The following HGSNAT variants were observed in gnomAD, a reference collection of about 807,000 sequenced individuals.
HGSNAT encodes transmembrane protein 76.
A neutral mutation model predicts 85.2 loss-of-function variants in HGSNAT; 59 were observed. The ratio of observed to expected loss-of-function variants is 0.69; its 90% CI spans 0.56 to 0.86. HGSNAT has a LOEUF of 0.86. Among genes scored for constraint, HGSNAT ranks in the 40% least tolerant of loss-of-function variants. The pLI, the probability that HGSNAT is intolerant of heterozygous loss-of-function variation, is 0.00. For synonymous variants in HGSNAT, 321 were observed against 304.5 expected (o/e 1.05, Z -0.56); for missense variants, 756 against 777.1 (o/e 0.97, Z 0.32).
intron 2 of HGSNAT, among the ~76,000 whole-genome samples, chr8:43,149,031 G>A (rs530991407): frequency 1.2e-3 from 188 of 151,810 alleles, no homozygotes; most frequent in African/African-American, 4.4e-3. Context: ...CAGGAGAATC[G>A]TTTAACCCCG....
At chr8:43,197,355 A>G in intron 15 of HGSNAT, 1 of 528,572 alleles carries the variant, frequency 1.9e-6, no homozygotes, top group Non-Finnish European at 3.4e-6. Context: ...CTTCCAGATT[A>G]TATGGGAAAG....
intron 17 of HGSNAT, among the ~76,000 whole-genome samples, chr8:43,198,226 A>T (rs1563387089): frequency 6.7e-6 from 1 of 149,724 alleles, no homozygotes; most frequent in Non-Finnish European, 1.5e-5. Context: ...TTCAGGCTAT[A>T]CCAAATTGTG....
intron 15 of HGSNAT, 168 bp from the exon 16 acceptor site, chr8:43,197,504 C>A: frequency 1.6e-6 from 1 of 607,304 alleles, no homozygotes; most frequent in Non-Finnish European, 2.9e-6. Context: ...GAGTATTTTT[C>A]AGTTCATACA....
At chr8:43,158,090 A>AT (rs942192065) in intron 2 of HGSNAT, among the ~76,000 whole-genome samples, 227 of 149,562 alleles carry the variant, frequency 1.5e-3, no homozygotes, top group African/African-American at 4.7e-3. Flanking sequence ...TGACACAGTG[A>AT]TTTTTTTTTT....
chr8:43,154,834 C>T (rs1803041871), intron 2 of HGSNAT, among the ~76,000 whole-genome samples: 1 of 152,148 alleles, frequency 6.6e-6, no homozygotes, highest in Non-Finnish European at 1.5e-5. Flanking sequence ...CCTATTTCTC[C>T]ACATCCTCTC....
chr8:43,178,235 G>A lies in HGSNAT; in HGVS notation c.1012+1G>A. On this transcript the variant is annotated splice_donor_variant, in intron 10 of 17. Transcript: ENST00000379644. LOFTEE classifies it high-confidence loss of function. ...AATCCCAATTATTGCCTTGGTCCATGTAAGTACTTTTTCCCTCTGTTATAT... is the reference window on the plus strand; with the variant it reads ...AATCCCAATTATTGCCTTGGTCCATATAAGTACTTTTTCCCTCTGTTATAT... 1 of 1,519,646 alleles carries A rather than the reference G, an allele frequency of 6.6e-7. No individual in the cohort carries two copies. Among genetic ancestry groups the A allele is most frequent in the Non-Finnish European group, 8.8e-7 (1 of 1,137,032 alleles). The allele number at this position is 1,519,646 out of a possible 1,614,324, so 94.1% of individuals were successfully genotyped here. A position where few individuals can be genotyped will look rare whatever the true frequency, so the allele number is the denominator to read the frequency against.
chr8:43,192,594 T>G (rs1226275262), intron 13 of HGSNAT, among the ~76,000 whole-genome samples, 164 bp downstream of exon 13: 2 of 152,110 alleles, frequency 1.3e-5, no homozygotes, highest in Non-Finnish European at 2.9e-5. Flanking sequence ...GGGATCACTG[T>G]ATGGCAGTGT....
intron 14 of HGSNAT, chr8:43,196,445 G>T: frequency 7.8e-7 from 1 of 1,289,322 alleles, no homozygotes; most frequent in South Asian, 1.2e-5. Context: ...CCCAGACTGG[G>T]TCACCAAACA....
chr8:43,162,224 T>C (rs1803288920), intron 5 of HGSNAT, among the ~76,000 whole-genome samples: 1 of 152,208 alleles, frequency 6.6e-6, no homozygotes, highest in Admixed American at 6.5e-5. Flanking sequence ...ATGAGCAATA[T>C]CCAAACTGAA....
intron 2 of HGSNAT, among the ~76,000 whole-genome samples, chr8:43,154,654 T>A (rs553178492): frequency 3.9e-5 from 6 of 152,294 alleles, no homozygotes; most frequent in African/African-American, 1.2e-4. Flanking sequence ...GCAATAAACA[T>A]ATGTGTGCAT....
At chr8:43,148,593 G>A (rs1802787611) in intron 2 of HGSNAT, among the ~76,000 whole-genome samples, 1 of 151,590 alleles carries the variant, frequency 6.6e-6, no homozygotes, top group Non-Finnish European at 1.5e-5. Flanking sequence ...TTAGAGATCA[G>A]CCTGGCCAAC....
At chr8:43,188,234 GT>G (rs1301560594) in intron 11 of HGSNAT, among the ~76,000 whole-genome samples, 1 of 152,180 alleles carries the variant, frequency 6.6e-6, no homozygotes, top group Non-Finnish European at 1.5e-5. Flanking sequence ...ATCCTGAAGA[GT>G]TTTTTCCGAC....
chr8:43,195,866 C>T lies in HGSNAT; in HGVS notation c.1465-1082C>T, dbSNP rs180737568. ...GAGAATCCGCATATAAGTGGACCTGCGCAGTTCAAACCTGTGTTGTTCAAG... is the reference window on the plus strand; with the variant it reads ...GAGAATCCGCATATAAGTGGACCTGTGCAGTTCAAACCTGTGTTGTTCAAG... On this transcript the variant is annotated intron_variant, in intron 14 of 17. Coordinates refer to ENST00000379644, the MANE Select transcript of HGSNAT (RefSeq NM_152419.3). 2.8e-3 allele frequency: 440 copies of T among 156,046 alleles called. 2 individuals are homozygous for T. Among genetic ancestry groups the T allele is most frequent in the Non-Finnish European group, 4.6e-3 (328 of 70,664 alleles). 9.7% of individuals were successfully genotyped at this position (156,046 alleles called of 1,614,324 possible).
Position 43,199,368 on chromosome 8 carries a change from T to C in HGSNAT, c.1727-20T>C, listed in dbSNP as rs1159532948. On this transcript the variant is annotated intron_variant, in intron 17 of 17. Coordinates refer to ENST00000379644, the MANE Select transcript of HGSNAT (RefSeq NM_152419.3). ...CTCATCTGTGAGAAACATGATCTTCTGTATGTCTCTCTCCTTAAGGAATGA... is the reference window on the plus strand; with the variant it reads ...CTCATCTGTGAGAAACATGATCTTCCGTATGTCTCTCTCCTTAAGGAATGA... 2.0e-6 allele frequency: 3 copies of C among 1,522,374 alleles called. No individual in the cohort carries two copies. Among genetic ancestry groups the C allele is most frequent in the Non-Finnish European group, 1.8e-6 (2 of 1,111,660 alleles). 94.3% of individuals were successfully genotyped at this position (1,522,374 alleles called of 1,614,324 possible).
At position 43,152,768 on chromosome 8, in the gene HGSNAT, T is replaced by C. The variant is rs188965854; in HGVS notation, c.234+5705T>C. ...CACAGATCTGGATGAAAATGATACA[T>C]TTAAATGAGAAAAATAAAGGTTAAG... On this transcript the variant is annotated intron_variant, in intron 2 of 17. Transcript: ENST00000379644. Among the ~76,000 whole-genome samples the C allele has an allele frequency of 5.5e-4, 83 of 152,180 alleles. No individual in the cohort carries two copies. The East Asian group carries it at 0.015, about 27-fold the overall frequency.
Position 43,187,042 on chromosome 8 carries a change from G to A in HGSNAT, c.1129-4432G>A, listed in dbSNP as rs564721103. Among the ~76,000 whole-genome samples, 5 of 152,292 alleles carry A rather than the reference G, an allele frequency of 3.3e-5. No individual in the cohort carries two copies. In the South Asian group the frequency reaches 1.0e-3, roughly 32 times the overall value. ...TAATTTCTGTTCTTTTACATTTGCT[G>A]AGGAGTGCTTTACTTCCAACTATGT... On this transcript the variant is annotated intron_variant, in intron 11 of 17. Transcript: ENST00000379644.
intron 2 of HGSNAT, among the ~76,000 whole-genome samples, chr8:43,148,661 G>C (rs931542734): frequency 2.0e-5 from 3 of 151,406 alleles, no homozygotes; most frequent in Non-Finnish European, 4.4e-5. Context: ...ATGGTAGCAG[G>C]TGCCTGTAAT....
intron 15 of HGSNAT, 130 bp from the exon 16 acceptor site, chr8:43,197,542 G>A: frequency 1.4e-6 from 1 of 691,954 alleles, no homozygotes; most frequent in Non-Finnish European, 2.5e-6. Flanking sequence ...CCATTTAAAA[G>A]AGAAAAATAT....
rs572823848 is a variant in HGSNAT at position 43,159,841 on chromosome 8, G to A, written c.493+797G>A. ...CCCCACTGAAGAAAATCTGCCATTC[G>A]GAACTCCCTATTAGGTAACAATGTA... On this transcript the variant is annotated intron_variant, in intron 4 of 17. Transcript: ENST00000379644. Among the ~76,000 whole-genome samples, 9 of 152,172 alleles carry A rather than the reference G, an allele frequency of 5.9e-5. No individual in the cohort carries two copies. In the South Asian group the frequency reaches 1.2e-3, roughly 21 times the overall value.
Sources: gnomAD v4.1 joint callset for allele counts (sites outside exome capture counted in the v4.1 genomes callset) on GRCh38, gnomAD v4.1.1 for gene constraint, MANE v1.5 for transcripts, NCBI Gene and HGNC (gene_info 2026-07-23, HGNC 2026-07-21) for gene names.